The following ARAP3 variants were observed in gnomAD, a reference collection of about 807,000 sequenced individuals.
ARAP3 encodes the protein ArfGAP with RhoGAP domain, ankyrin repeat and PH domain 3.
Under a neutral mutation model 169.2 loss-of-function variants are expected in ARAP3, and 82 were observed. The observed-to-expected ratio is 0.48, with a 90% CI of 0.41 to 0.58. The LOEUF (loss-of-function observed/expected upper bound fraction) is 0.58. Among genes scored for constraint, ARAP3 ranks in the 20% least tolerant of loss-of-function variants. ARAP3 has a pLI of 0.00. For missense variants in ARAP3, 1,764 were observed against 2,018.0 expected (o/e 0.87, Z 2.41); for synonymous variants, 791 against 800.3 (o/e 0.99, Z 0.20).
chr5:141,653,850 C>T lies in ARAP3; in HGVS notation c.*100G>A, dbSNP rs761608903. ...TCCTTCCACAGCACCACACTGGATT[C>T]TGGAGTCTTTCCAGCCAGGGCAGAG... is the stretch of plus-strand genomic sequence containing the variant. On this transcript the variant is annotated 3_prime_UTR_variant, in exon 33 of 33. Transcript: ENST00000239440. 6.8e-7 allele frequency: 1 copy of T among 1,470,370 alleles called. No homozygotes were observed. The highest frequency in any genetic ancestry group is 9.1e-7 in the Non-Finnish European group (1 of 1,101,950). The allele number at this position is 1,470,370 out of a possible 1,614,324, so 91.1% of individuals were successfully genotyped here. A position where few individuals can be genotyped will look rare whatever the true frequency, so the allele number is the denominator to read the frequency against.
chr5:141,655,260 C>CACACACACACACACACACACACACA (rs1562401159), intron 32 of ARAP3, 102 bp downstream of exon 32: 2 of 831,578 alleles, frequency 2.4e-6, no homozygotes, highest in African/African-American at 5.9e-5. Context: ...ACACACACAC[C>CACACACACACACACACACACACACA]CCCTGATGGC....
Position 141,655,658 on chromosome 5 carries a change from T to C in ARAP3, c.4073A>G (p.Asp1358Gly), listed in dbSNP as rs758768178. The change falls in exon 31 of 33, where the codon GAC becomes GGC. Residue 1358 changes from aspartate to glycine, a missense_variant. Transcript: ENST00000239440. ...TMPLLPIRGD[D>G]SGATLLSANQ... Reference sequence around the variant, plus strand: ...GGCAGAGAGGAGGGTGGCTCCACTGTCATCCCCACGGATAGGCAGCAAAGG... The same window carrying C: ...GGCAGAGAGGAGGGTGGCTCCACTGCCATCCCCACGGATAGGCAGCAAAGG... The C allele has an allele frequency of 3.2e-5, 51 of 1,614,004 alleles. No individual in the cohort carries two copies. The highest frequency in any genetic ancestry group is 3.8e-5 in the Non-Finnish European group (45 of 1,180,028).
chr5:141,655,963 A>G, intron 29 of ARAP3, 31 bp from the exon 30 acceptor site: 1 of 1,613,882 alleles, frequency 6.2e-7, no homozygotes, highest in Non-Finnish European at 8.5e-7. Flanking sequence ...TCAGAGGGAG[A>G]GAGAGGGTCA....
intron 16 of ARAP3, among the ~76,000 whole-genome samples, chr5:141,667,415 A>G (rs1220793172): frequency 1.3e-5 from 2 of 150,166 alleles, no homozygotes; most frequent in Admixed American, 1.3e-4. Context: ...GCTGTCACTA[A>G]CCAATAGTGT....
chr5:141,666,052 A>ATAATAAT (rs1554224247), intron 17 of ARAP3, among the ~76,000 whole-genome samples: 28 of 140,876 alleles, frequency 2.0e-4, no homozygotes, highest in African/African-American at 7.3e-4. Flanking sequence ...AAAAAAAAAA[A>ATAATAAT]AATAATAATA....
Position 141,656,111 on chromosome 5 carries a change from A to G in ARAP3, c.3873-12T>C. 1 of 1,614,142 alleles carries G rather than the reference A, an allele frequency of 6.2e-7. No homozygotes were observed. The highest frequency in any genetic ancestry group is 8.5e-7 in the Non-Finnish European group (1 of 1,180,016). On this transcript the variant is annotated splice_polypyrimidine_tract_variant and intron_variant, in intron 28 of 32. Transcript: ENST00000239440. ...ATGTGAAGCCCCACCTGGGAGACAA[A>G]GAACAGTGATGGGGCAGTCAGAAAG...
chr5:141,671,689 C>T lies in ARAP3; in HGVS notation c.1735G>A (p.Glu579Lys). The change falls in exon 12 of 33, where the codon GAG (glutamate) becomes AAG (lysine). Residue 579 changes from glutamate (E) to lysine (K), a missense_variant. By Grantham distance (56) the Glu-to-Lys change is moderately conservative. Around this residue, in one of 3 missense-constraint regions of ARAP3, gnomAD observed 1,112 missense variants for 1,285.7 expected, o/e 0.86. Transcript: ENST00000239440. The surrounding 1 kb of genome is among the most constrained non-coding windows in gnomAD (Gnocchi z 4.9). Reference protein sequence around the residue: ...RFWAGTLPPGEGLHPDATPGP... With the variant: ...RFWAGTLPPGKGLHPDATPGP... Reference sequence around the variant, plus strand: ...GGGGTCGCATCTGGATGTAGTCCCTCACCTGGGGGTAGGGTCCCTGCCCAG... The same window carrying T: ...GGGGTCGCATCTGGATGTAGTCCCTTACCTGGGGGTAGGGTCCCTGCCCAG... 4 of 1,613,022 alleles carry T rather than the reference C, an allele frequency of 2.5e-6. No homozygotes were observed. Among genetic ancestry groups the T allele is most frequent in the Non-Finnish European group, 3.4e-6 (4 of 1,179,448 alleles).
At position 141,659,791 on chromosome 5, in the gene ARAP3, G is replaced by A. The variant is rs765404577; in HGVS notation, c.3255C>T (p.Ile1085=). Residue 1085 remains isoleucine, a synonymous_variant, in exon 22 of 33, where the codon ATC becomes ATT. Transcript: ENST00000239440. ...RVLQELIDGY[I]SVFDIDSDQV... ...AGGAAAGCCTTACATCAAAGACAGA[G>A]ATGTAGCCATCAATGAGCTCTTGCA... 1 of 1,612,576 alleles carries A rather than the reference G, an allele frequency of 6.2e-7. No individual in the cohort carries two copies. The highest frequency in any genetic ancestry group is 1.1e-5 in the South Asian group (1 of 90,810).
intron 25 of ARAP3, among the ~76,000 whole-genome samples, chr5:141,657,609 G>C (rs2099909420): frequency 6.6e-6 from 1 of 152,252 alleles, no homozygotes; most frequent in Admixed American, 6.5e-5. Flanking sequence ...ACTGTTGACA[G>C]ACAAAAACAT....
chr5:141,656,448 C>A (rs967651655), intron 27 of ARAP3, 56 bp downstream of exon 27: 1 of 1,590,156 alleles, frequency 6.3e-7, no homozygotes, highest in Middle Eastern at 1.7e-4. Flanking sequence ...TGGGTGCAGT[C>A]ATGGCTCCTC....
In ARAP3 at chr5:141,655,374, C is replaced by T. The variant is rs775699105; in HGVS notation, c.4137G>A (p.Leu1379=). 1 of 1,582,986 alleles carries T rather than the reference C, an allele frequency of 6.3e-7. No individual in the cohort carries two copies. Among genetic ancestry groups the T allele is most frequent in the South Asian group, 1.2e-5 (1 of 86,546 alleles). Residue 1379 remains leucine, a synonymous_variant, in exon 32 of 33, where the codon CTG becomes CTA. Transcript: ENST00000239440. ...GCACAATACTCACAAAGAACATGGA[C>T]AGGGTCCTCCGGTTGTGTAGTCGCC... ...TLRRLHNRRT[L]SMFFPMKSSQ... is the part of the protein sequence containing the mutation.
chr5:141,677,777 GT>G (rs1004061457), intron 4 of ARAP3, among the ~76,000 whole-genome samples: 8 of 140,116 alleles, frequency 5.7e-5, no homozygotes, highest in South Asian at 2.3e-4. Context: ...TTTTGTTTTT[GT>G]TTTTTTTGTT....
At chr5:141,674,238 C>G (rs2099911852) in intron 4 of ARAP3, among the ~76,000 whole-genome samples, 2 of 152,148 alleles carry the variant, frequency 1.3e-5, no homozygotes, top group South Asian at 4.1e-4. Flanking sequence ...GTTGGGATTA[C>G]AGGCGTGAGC....
At chr5:141,661,824 C>G in intron 20 of ARAP3, 35 bp from the exon 21 acceptor site, 1 of 1,607,646 alleles carries the variant, frequency 6.2e-7, no homozygotes, top group Non-Finnish European at 8.5e-7. Context: ...GGGGAGGACC[C>G]GGGAAGAAAG....
At position 141,680,113 on chromosome 5, in the gene ARAP3, A is replaced by T. The variant is rs1257162042; in HGVS notation, c.374T>A (p.Val125Glu). ...TGGGCTGGGCTCTGGGCTCCTGGAC[A>T]CTCCTGGTCCCCCGAGGGCTGGGCT... ...GLSPALGGPG[V>E]SRSPEPSPRP... is the part of the protein sequence containing the mutation. Residue 125 changes from valine to glutamate, a missense_variant, in exon 2 of 33, where the codon GTG (valine) becomes GAG (glutamate). By Grantham distance (121) the Val-to-Glu change is moderately radical (BLOSUM62 -2). This residue lies in a region of ARAP3 where 630 missense variants were observed against 678.7 expected (regional missense o/e 0.93). Transcript: ENST00000239440. 2.5e-6 allele frequency: 4 copies of T among 1,611,632 alleles called. No homozygotes were observed. Among genetic ancestry groups the T allele is most frequent in the Non-Finnish European group, 3.4e-6 (4 of 1,178,812 alleles).
At position 141,662,178 on chromosome 5, in the gene ARAP3, C is replaced by T. The variant is rs555092795; in HGVS notation, c.2878G>A (p.Asp960Asn). 2.5e-6 allele frequency: 4 copies of T among 1,614,234 alleles called. No individual in the cohort carries two copies. Among genetic ancestry groups the T allele is most frequent in the South Asian group, 2.2e-5 (2 of 91,084 alleles). ...SLRLLAEFRR[D>N]ARSVKLRPGE... The stretch of plus-strand genomic sequence containing the variant: ...GGTCGGAGCTTCACCGACCGGGCAT[C>T]CCGACGGAACTCAGCCAGGAGTCTC... The change falls in exon 20 of 33, where the codon GAT becomes AAT. Residue 960 changes from aspartate to asparagine, a missense_variant. Coordinates refer to ENST00000239440, the MANE Select transcript of ARAP3 (RefSeq NM_022481.6).
intron 25 of ARAP3, 152 bp downstream of exon 25, chr5:141,658,213 C>G: frequency 1.4e-6 from 1 of 739,626 alleles, no homozygotes; most frequent in Non-Finnish European, 2.2e-6. Context: ...AGTGAGTCAA[C>G]TGTGTTGAAT....
chr5:141,653,905 T>C lies in ARAP3; in HGVS notation c.*45A>G, dbSNP rs1335331384. The C allele has an allele frequency of 6.6e-7, 1 of 1,508,034 alleles. No individual in the cohort carries two copies. The highest frequency in any genetic ancestry group is 8.8e-7 in the Non-Finnish European group (1 of 1,130,032). The allele number at this position is 1,508,034 out of a possible 1,614,324, so 93.4% of individuals were successfully genotyped here. A position where few individuals can be genotyped will look rare whatever the true frequency, so the allele number is the denominator to read the frequency against. ...CTGCAACAGTGCCACGATAAGAGTT[T>C]CTGGGTCTTCTGGTACCTACCCTCT... On this transcript the variant is annotated 3_prime_UTR_variant, in exon 33 of 33. Transcript: ENST00000239440.
At chr5:141,656,464 G>A in intron 27 of ARAP3, 40 bp downstream of exon 27, 3 of 1,600,694 alleles carry the variant, frequency 1.9e-6, no homozygotes, top group African/African-American at 1.3e-5. Flanking sequence ...TCCTCTCCAT[G>A]GCCACCCAGC....
Sources: gnomAD v4.1 joint callset for allele counts (sites outside exome capture counted in the v4.1 genomes callset) on GRCh38, gnomAD v4.1.1 for gene constraint, gnomAD v4.1.1 regional missense constraint, Gnocchi (gnomAD v3.1) non-coding constraint, MANE v1.5 for transcripts, NCBI Gene and HGNC (gene_info 2026-07-23, HGNC 2026-07-21) for gene names.